The following NREP variants were observed in gnomAD, a reference collection of about 807,000 sequenced individuals.
NREP encodes the protein neuronal regeneration related protein.
Under a neutral mutation model 8.6 loss-of-function variants are expected in NREP, and 5 were observed. The observed-to-expected ratio is 0.58, with a 90% CI of 0.30 to 1.22. The LOEUF is 1.22. NREP is among the 50% of genes most tolerant of loss of function. The pLI, the probability that NREP is intolerant of heterozygous loss-of-function variation, is 0.07. For synonymous variants in NREP, 27 were observed against 28.0 expected (o/e 0.96, Z 0.11); for missense variants, 86 against 82.5 (o/e 1.04, Z -0.17).
intron 2 of NREP, chr5:111,738,178 A>G (rs1749319677): frequency 6.6e-6 from 1 of 152,232 alleles, no homozygotes; most frequent in South Asian, 2.1e-4. Context: ...GGAAACAAAT[A>G]TGATCTATCT....
At chr5:111,960,206 G>A (rs2112651398) in intron 2 of NREP, among the ~76,000 whole-genome samples, 1 of 152,212 alleles carries the variant, frequency 6.6e-6, no homozygotes, top group African/African-American at 2.4e-5. Flanking sequence ...TTAAAAATCA[G>A]AGAATCTGTG....
chr5:111,952,125 A>T (rs566948284), intron 2 of NREP, among the ~76,000 whole-genome samples: 1 of 152,220 alleles, frequency 6.6e-6, no homozygotes, highest in South Asian at 2.1e-4. Flanking sequence ...TTTCCCGACG[A>T]ATCATACAAC....
chr5:111,750,454 A>T (rs928833714), intron 2 of NREP, among the ~76,000 whole-genome samples: 3 of 152,194 alleles, frequency 2.0e-5, no homozygotes, highest in Non-Finnish European at 2.9e-5. Flanking sequence ...AATCATACTC[A>T]AGCTGAATAA....
chr5:111,974,847 G>C (rs1449899405), intron 2 of NREP, among the ~76,000 whole-genome samples: 2 of 152,220 alleles, frequency 1.3e-5, no homozygotes, highest in Non-Finnish European at 2.9e-5. Context: ...CAATGTTTAA[G>C]GCACTGCAGA....
intron 2 of NREP, among the ~76,000 whole-genome samples, chr5:111,849,025 G>A (rs753914352): frequency 6.6e-6 from 1 of 152,114 alleles, no homozygotes; most frequent in Non-Finnish European, 1.5e-5. Context: ...ACAAATTTGG[G>A]TTTGAGATTA....
At position 111,731,444 on chromosome 5, in the gene NREP, AAG is replaced by A. The variant is rs1561626801; in HGVS notation, c.82-400_82-399del. On this transcript the variant is annotated intron_variant, in intron 3 of 3. Coordinates refer to ENST00000257435, the MANE Select transcript of NREP (RefSeq NM_004772.4). ...GTTGATAATTATAAAAAAAAAAAAA[AAG>A]AGTCCAGTGGGTGTGATGAAGACGG... Among the ~76,000 whole-genome samples the A allele has an allele frequency of 3.3e-5, 5 of 151,390 alleles. No individual in the cohort carries two copies. In the South Asian group the frequency reaches 1.0e-3, roughly 32 times the overall value.
intron 2 of NREP, among the ~76,000 whole-genome samples, chr5:111,881,947 T>A (rs1019339642): frequency 1.3e-5 from 2 of 152,202 alleles, no homozygotes; most frequent in African/African-American, 2.4e-5. Context: ...AGGATCACAG[T>A]TCCTCACCAG....
intron 2 of NREP, among the ~76,000 whole-genome samples, chr5:111,813,995 G>T (rs1366570137): frequency 6.6e-6 from 1 of 151,844 alleles, no homozygotes; most frequent in African/African-American, 2.4e-5. Context: ...ATTTTCTTAT[G>T]AAAATTATTT....
At chr5:111,953,437 C>T (rs1333294353) in intron 2 of NREP, among the ~76,000 whole-genome samples, 1 of 152,124 alleles carries the variant, frequency 6.6e-6, no homozygotes, top group Non-Finnish European at 1.5e-5. Flanking sequence ...CACTGGCAAC[C>T]TCCTCCTCTA....
chr5:111,851,596 G>A (rs1165906451), intron 2 of NREP, among the ~76,000 whole-genome samples: 1 of 152,124 alleles, frequency 6.6e-6, no homozygotes, highest in East Asian at 1.9e-4. Context: ...CAATTAACGT[G>A]AAAGTGCAGA....
At chr5:111,798,069 T>G (rs931953557) in intron 2 of NREP, among the ~76,000 whole-genome samples, 19 of 152,204 alleles carry the variant, frequency 1.2e-4, no homozygotes, top group South Asian at 2.1e-4. Context: ...GTTATTCAGT[T>G]TTTTCCCTAA....
At chr5:111,905,301 T>A (rs1442419068) in intron 2 of NREP, among the ~76,000 whole-genome samples, 1 of 152,106 alleles carries the variant, frequency 6.6e-6, no homozygotes, top group Non-Finnish European at 1.5e-5. Flanking sequence ...CAAACTCTCT[T>A]CCAAAGCACC....
intron 2 of NREP, among the ~76,000 whole-genome samples, chr5:111,777,387 G>A (rs950118358): frequency 2.0e-5 from 3 of 151,470 alleles, no homozygotes; most frequent in Non-Finnish European, 4.4e-5. Flanking sequence ...TTTTAAGTAC[G>A]TATTTATTAT....
intron 2 of NREP, among the ~76,000 whole-genome samples, chr5:111,737,870 A>C (rs1333589187): frequency 2.0e-5 from 3 of 151,322 alleles, no homozygotes; most frequent in South Asian, 2.1e-4. Context: ...TTTTTTTTTC[A>C]CTATTAGGCA....
At chr5:111,853,145 A>G (rs769581297) in intron 2 of NREP, among the ~76,000 whole-genome samples, 112 of 152,282 alleles carry the variant, frequency 7.4e-4, no homozygotes, top group Non-Finnish European at 1.5e-3. Flanking sequence ...TGATTTTAAA[A>G]ATAAATGTAT....
At chr5:111,867,867 C>T (rs1208314360) in intron 2 of NREP, among the ~76,000 whole-genome samples, 2 of 151,860 alleles carry the variant, frequency 1.3e-5, no homozygotes, top group African/African-American at 4.8e-5. Flanking sequence ...TTAACCAGTT[C>T]AAACTGTATA....
rs184058458 is a variant in NREP at position 111,878,639 on chromosome 5, T to C, written c.135+96635A>G. On this transcript the variant is annotated intron_variant, in intron 2 of 3. Coordinates refer to the NREP transcript ENST00000395634. ...ATAGTTTTAGATTTTAATGAATTTGTTTGCCGTTGTCTTAAAGGCCTTAGA... is the reference window on the plus strand; with the variant it reads ...ATAGTTTTAGATTTTAATGAATTTGCTTGCCGTTGTCTTAAAGGCCTTAGA... Among the ~76,000 whole-genome samples the C allele has an allele frequency of 3.9e-5, 6 of 152,280 alleles. No individual in the cohort carries two copies. In the East Asian group the frequency reaches 1.2e-3, roughly 29 times the overall value.
intron 2 of NREP, among the ~76,000 whole-genome samples, chr5:111,883,162 G>A (rs1219673835): frequency 6.6e-6 from 1 of 152,158 alleles, no homozygotes; most frequent in Non-Finnish European, 1.5e-5. Flanking sequence ...ACAAAAAAAG[G>A]CAGGGGTTGC....
At chr5:111,965,757 A>G (rs1756626729) in intron 2 of NREP, among the ~76,000 whole-genome samples, 1 of 152,188 alleles carries the variant, frequency 6.6e-6, no homozygotes, top group African/African-American at 2.4e-5. Flanking sequence ...CAACAAATAT[A>G]CTGTCAATGT....
Sources: allele counts gnomAD v4.1 joint callset (sites outside exome capture counted in the v4.1 genomes callset), GRCh38; gene constraint gnomAD v4.1.1; transcripts MANE v1.5; gene names NCBI Gene and HGNC (gene_info 2026-07-23, HGNC 2026-07-21).